Variants in PLCL1 observed in about 807,000 individuals in gnomAD.
The protein encoded by PLCL1 is inactive phospholipase C-like protein 1.
In PLCL1, 41 loss-of-function variants were observed where a neutral mutation model predicts 84.4. That is an observed-to-expected ratio of 0.49 (90% CI 0.38 to 0.63). PLCL1 has a LOEUF of 0.63. PLCL1 is among the 30% of genes least tolerant of loss of function. PLCL1 has a pLI of 0.00. For synonymous variants in PLCL1, 490 were observed against 488.3 expected, an observed-to-expected ratio of 1.00 and a Z score of -0.05; for missense variants, 1,206 against 1,367.8, an observed-to-expected ratio of 0.88 and a Z score of 1.87.
At chr2:198,138,831 A>G (rs1195342915) in intron 5 of PLCL1, among the ~76,000 whole-genome samples, 1 of 152,148 alleles carries the variant, frequency 6.6e-6, no homozygotes, top group Non-Finnish European at 1.5e-5. Flanking sequence ...TATCAATCAC[A>G]AGAACAATGA....
At chr2:197,808,849 A>G (rs1221142178) in intron 1 of PLCL1, among the ~76,000 whole-genome samples, 1 of 152,128 alleles carries the variant, frequency 6.6e-6, no homozygotes, top group Admixed American at 6.5e-5. Flanking sequence ...CTTTTTTTCA[A>G]CTTCCTTTTG....
chr2:197,942,406 T>C (rs1689176751), intron 1 of PLCL1, among the ~76,000 whole-genome samples: 2 of 152,186 alleles, frequency 1.3e-5, no homozygotes, highest in South Asian at 4.1e-4. Context: ...CCCACCAAAC[T>C]TCCAGAAAGA....
intron 5 of PLCL1, among the ~76,000 whole-genome samples, chr2:198,145,485 C>T (rs1049831557): frequency 2.0e-5 from 3 of 152,192 alleles, no homozygotes; most frequent in Non-Finnish European, 4.4e-5. Context: ...CAATTAACCT[C>T]ATCAGGCTCA....
rs368888708 is a variant in PLCL1 at position 198,019,016 on chromosome 2, C to T, written c.241-64742C>T. The stretch of plus-strand genomic sequence containing the variant: ...GCATCTGGCAGGTGCCCCTCTGGGA[C>T]GAAGCTTCCAGAGGAAGGAATACAC... On this transcript the variant is annotated intron_variant, in intron 1 of 5. Coordinates refer to ENST00000428675, the MANE Select transcript of PLCL1 (RefSeq NM_006226.4). Among the ~76,000 whole-genome samples the T allele has an allele frequency of 3.3e-4, 50 of 152,250 alleles. 1 individual carries two copies. The highest frequency in any genetic ancestry group is 1.1e-3 in the African/African-American group (47 of 41,556).
intron 1 of PLCL1, among the ~76,000 whole-genome samples, chr2:197,948,178 G>T (rs1452600799): frequency 6.6e-6 from 1 of 152,138 alleles, no homozygotes; most frequent in Non-Finnish European, 1.5e-5. Context: ...TGGATGGGAG[G>T]ATATGAGCAG....
At position 197,863,103 on chromosome 2, in the gene PLCL1, TC is replaced by T. The variant is rs756598634; in HGVS notation, c.240+57765del. Among the ~76,000 whole-genome samples, 291 of 152,064 alleles carry T rather than the reference TC, an allele frequency of 1.9e-3. 1 individual carries two copies. Among genetic ancestry groups the T allele is most frequent in the Non-Finnish European group, 2.8e-3 (191 of 67,994 alleles). On this transcript the variant is annotated intron_variant, in intron 1 of 5. Transcript: ENST00000428675. ...TTTTGAGTTTTTGTGTATTTTGCTC[TC>T]GGAACTCTGCTGGGTAAATATAGAT...
intron 5 of PLCL1, among the ~76,000 whole-genome samples, chr2:198,117,903 A>G (rs1027231176): frequency 7.9e-5 from 12 of 151,892 alleles, no homozygotes; most frequent in African/African-American, 2.4e-4. Flanking sequence ...TCCTTTATCA[A>G]TAGTACATTT....
intron 1 of PLCL1, among the ~76,000 whole-genome samples, chr2:197,894,171 G>T (rs1257929089): frequency 6.6e-6 from 1 of 151,908 alleles, no homozygotes; most frequent in East Asian, 1.9e-4. Flanking sequence ...TCCATGCCCC[G>T]TTCCTGCCTT....
At chr2:198,079,935 C>T (rs1377490920) in intron 1 of PLCL1, among the ~76,000 whole-genome samples, 7 of 152,166 alleles carry the variant, frequency 4.6e-5, no homozygotes, top group South Asian at 2.1e-4. Context: ...AAATTTAAAG[C>T]GTTTGTTGTA....
At chr2:198,095,019 G>A (rs1693159232) in intron 3 of PLCL1, among the ~76,000 whole-genome samples, 1 of 152,080 alleles carries the variant, frequency 6.6e-6, no homozygotes, top group Non-Finnish European at 1.5e-5. Flanking sequence ...AGTAGAAAAG[G>A]CTCTAAAAGT....
At chr2:197,838,875 A>C (rs1301955594) in intron 1 of PLCL1, among the ~76,000 whole-genome samples, 3 of 152,228 alleles carry the variant, frequency 2.0e-5, no homozygotes, top group Non-Finnish European at 2.9e-5. Flanking sequence ...GATTTATCTA[A>C]AGAGATCACT....
chr2:197,918,385 A>G (rs1688635441), intron 1 of PLCL1, among the ~76,000 whole-genome samples: 1 of 152,220 alleles, frequency 6.6e-6, no homozygotes, highest in Non-Finnish European at 1.5e-5. Context: ...GAACAGAAAG[A>G]GGGCGTTAGG....
intron 1 of PLCL1, among the ~76,000 whole-genome samples, chr2:197,996,754 C>T (rs750685888): frequency 2.0e-5 from 3 of 152,130 alleles, no homozygotes; most frequent in Non-Finnish European, 4.4e-5. Context: ...GAGAAATAAT[C>T]AGCTGAACAA....
intron 1 of PLCL1, among the ~76,000 whole-genome samples, chr2:198,073,992 G>C (rs1692522338): frequency 6.6e-6 from 1 of 152,108 alleles, no homozygotes; most frequent in Admixed American, 6.5e-5. Flanking sequence ...TAAATTCACT[G>C]TTTTTAAATC....
chr2:197,890,701 T>TATATATATACATAC (rs11270566), intron 1 of PLCL1, among the ~76,000 whole-genome samples: 5 of 118,544 alleles, frequency 4.2e-5, no homozygotes, highest in African/African-American at 7.6e-5. Context: ...TATATATATA[T>TATATATATACATAC]ACACACACAC....
chr2:198,136,490 C>G (rs1357108090), intron 5 of PLCL1, among the ~76,000 whole-genome samples: 7 of 151,182 alleles, frequency 4.6e-5, no homozygotes, highest in Non-Finnish European at 1.0e-4. Context: ...TTCAAAGTCT[C>G]TAGTCTAGAG....
chr2:198,009,287 T>C (rs557976010), intron 1 of PLCL1, among the ~76,000 whole-genome samples: 1 of 152,140 alleles, frequency 6.6e-6, no homozygotes, highest in Admixed American at 6.5e-5. Context: ...TTTACCCCTA[T>C]GTTTCTTTCT....
At chr2:198,076,404 T>G (rs1223661534) in intron 1 of PLCL1, among the ~76,000 whole-genome samples, 1 of 152,226 alleles carries the variant, frequency 6.6e-6, no homozygotes, top group Non-Finnish European at 1.5e-5. Context: ...AAATAAAATT[T>G]AATGGTAAAT....
rs185885889 is a variant in PLCL1 at position 198,099,686 on chromosome 2, C to T, written c.2920-1599C>T. Among the ~76,000 whole-genome samples the T allele has an allele frequency of 1.8e-3, 277 of 152,168 alleles. 1 individual carries two copies. Among genetic ancestry groups the T allele is most frequent in the Middle Eastern group, 0.01 (3 of 294 alleles). On this transcript the variant is annotated intron_variant, in intron 3 of 5. Coordinates refer to ENST00000428675, the MANE Select transcript of PLCL1 (RefSeq NM_006226.4). ...GCTTGTTTTGAGGTAAAATTATACTCGATTATCTCTTTATGACGTTTATTA... is the reference window on the plus strand; with the variant it reads ...GCTTGTTTTGAGGTAAAATTATACTTGATTATCTCTTTATGACGTTTATTA...
Sources: allele counts gnomAD v4.1 joint callset (sites outside exome capture counted in the v4.1 genomes callset), GRCh38; gene constraint gnomAD v4.1.1; transcripts MANE v1.5; gene names NCBI Gene and HGNC (gene_info 2026-07-23, HGNC 2026-07-21).